The following ABCC8 variants were observed in gnomAD, a reference collection of about 807,000 sequenced individuals.
The protein encoded by ABCC8 is ATP binding cassette subfamily C member 8, also known as ATP-binding cassette sub-family C member 8.
A neutral mutation model predicts 188.0 loss-of-function variants in ABCC8; 137 were observed. The ratio of observed to expected loss-of-function variants is 0.73; its 90% CI spans 0.63 to 0.84. The LOEUF (loss-of-function observed/expected upper bound fraction) is 0.84. Among genes scored for constraint, ABCC8 ranks in the 40% least tolerant of loss-of-function variants. The probability of loss-of-function intolerance (pLI) is 0.00; values close to 1 mark genes in which losing one functional copy is unlikely to be tolerated. For missense variants in ABCC8, 1,750 were observed against 2,072.7 expected, an observed-to-expected ratio of 0.84 and a Z score of 3.02; for synonymous variants, 797 against 846.5, an observed-to-expected ratio of 0.94 and a Z score of 1.01.
rs1352613960 is a variant in ABCC8 at position 17,397,264 on chromosome 11, A to G, written c.3917T>C (p.Leu1306Pro). The G allele has an allele frequency of 4.3e-6, 7 of 1,613,402 alleles. No homozygotes were observed. The highest frequency in any genetic ancestry group is 5.9e-6 in the Non-Finnish European group (7 of 1,180,020). The change falls in exon 32 of 39, where the codon CTC becomes CCC. Residue 1306 changes from leucine (L) to proline (P), a missense_variant. Coordinates refer to ENST00000389817, the MANE Select transcript of ABCC8 (RefSeq NM_000352.6). Reference sequence around the variant, plus strand: ...GATGCGCTTCACAGCCCCCAGCTGGAGCTCCATGTCTGCCAGGTTCCTCAC... The same window carrying G: ...GATGCGCTTCACAGCCCCCAGCTGGGGCTCCATGTCTGCCAGGTTCCTCAC... ...WMVRNLADME[L>P]QLGAVKRIHG...
At chr11:17,461,973 AG>A (rs2133681372) in intron 4 of ABCC8, 148 bp from the exon 5 acceptor site, 23 of 1,390,408 alleles carry the variant, frequency 1.7e-5, no homozygotes, top group Non-Finnish European at 2.0e-5. Context: ...TACCAGGAAA[AG>A]GATTCCCCAA....
chr11:17,407,773 G>A (rs185100947), intron 23 of ABCC8, among the ~76,000 whole-genome samples: 20 of 152,316 alleles, frequency 1.3e-4, no homozygotes, highest in Admixed American at 1.3e-3. Flanking sequence ...TGGCCACAGT[G>A]ATTTGTTCAG....
rs1554924681 is a variant in ABCC8 at position 17,427,987 on chromosome 11, GC to G, written c.2041-46del. On this transcript the variant is annotated intron_variant, in intron 14 of 38. Coordinates refer to ENST00000389817, the MANE Select transcript of ABCC8 (RefSeq NM_000352.6). This position sits in a 1 kb window ranked among gnomAD's most constrained non-coding sequence, Gnocchi z 5.0. ...CCGCCCAGGAGAGAACAGAAAGGCA[GC>G]CAGTTCCCAGTGAATAGTCTCTGGC... 2 of 1,603,980 alleles carry G rather than the reference GC, an allele frequency of 1.2e-6. No individual in the cohort carries two copies. Among genetic ancestry groups the G allele is most frequent in the Non-Finnish European group, 1.7e-6 (2 of 1,175,126 alleles).
At chr11:17,451,759 A>G (rs925388041) in intron 7 of ABCC8, among the ~76,000 whole-genome samples, 1 of 152,260 alleles carries the variant, frequency 6.6e-6, no homozygotes, top group African/African-American at 2.4e-5. Flanking sequence ...CTAGCAGTGC[A>G]TATATAGCTG....
intron 33 of ABCC8, 110 bp from the exon 34 acceptor site, chr11:17,396,040 T>C (rs1953910458): frequency 1.3e-6 from 2 of 1,529,950 alleles, no homozygotes; most frequent in African/African-American, 1.4e-5. Flanking sequence ...GGGTATCTTT[T>C]TGGCCTGGTT....
At chr11:17,437,610 G>A (rs535278316) in intron 10 of ABCC8, among the ~76,000 whole-genome samples, 6 of 152,364 alleles carry the variant, frequency 3.9e-5, no homozygotes, top group African/African-American at 1.2e-4. Context: ...GAGGGGGAAG[G>A]AAATCAGGTT....
At chr11:17,412,622 G>C in intron 21 of ABCC8, 44 bp downstream of exon 21, 1 of 1,589,306 alleles carries the variant, frequency 6.3e-7, no homozygotes, top group South Asian at 1.1e-5. Flanking sequence ...AGTTAGGCCT[G>C]GGAGGCAGCC....
Position 17,427,859 on chromosome 11 carries a change from G to A in ABCC8, c.2116+8C>T, listed in dbSNP as rs751351440. ...AGGGGCATGCTGGAGGGGTGGACTG[G>A]GCCATACCTCGGGGGATACGAATGG... On this transcript the variant is annotated splice_region_variant and intron_variant, in intron 15 of 38. Coordinates refer to ENST00000389817, the MANE Select transcript of ABCC8 (RefSeq NM_000352.6). This position sits in a 1 kb window ranked among gnomAD's most constrained non-coding sequence, Gnocchi z 5.0. 1.2e-6 allele frequency: 2 copies of A among 1,613,944 alleles called. No homozygotes were observed. Among genetic ancestry groups the A allele is most frequent in the Non-Finnish European group, 1.7e-6 (2 of 1,179,940 alleles).
At chr11:17,466,853 A>G (rs1336679214) in intron 3 of ABCC8, among the ~76,000 whole-genome samples, 1 of 151,832 alleles carries the variant, frequency 6.6e-6, no homozygotes, top group Non-Finnish European at 1.5e-5. Flanking sequence ...TTTTGTAGAG[A>G]CGGGGTTTTG....
chr11:17,400,844 A>G (rs1457036499), intron 29 of ABCC8, among the ~76,000 whole-genome samples: 3 of 152,258 alleles, frequency 2.0e-5, no homozygotes, highest in African/African-American at 4.8e-5. Context: ...AATAATGCAC[A>G]TACAACACTT....
At position 17,415,322 on chromosome 11, in the gene ABCC8, G is replaced by A. The variant is rs764717081; in HGVS notation, c.2273C>T (p.Ala758Val). Residue 758 changes from alanine to valine, a missense_variant, in exon 18 of 39, where the codon GCG (alanine) becomes GTG (valine). Ala to Val is a moderately conservative substitution (Grantham distance 64). Coordinates refer to ENST00000389817, the MANE Select transcript of ABCC8 (RefSeq NM_000352.6). Reference sequence around the variant, plus strand: ...GCAGTACCTGATATCCAAGTCGGTCGCTGTCTCCCGCTCTGGGCTGCAGCA... The same window carrying A: ...GCAGTACCTGATATCCAAGTCGGTCACTGTCTCCCGCTCTGGGCTGCAGCA... ...GEDPSPERET[A>V]TDLDIRKRGP... 6.2e-6 allele frequency: 10 copies of A among 1,610,376 alleles called. No individual in the cohort carries two copies. Among genetic ancestry groups the A allele is most frequent in the South Asian group, 2.2e-5 (2 of 89,544 alleles).
chr11:17,398,626 T>G, intron 29 of ABCC8, 185 bp from the exon 30 acceptor site: 1 of 661,408 alleles, frequency 1.5e-6, no homozygotes. Flanking sequence ...TTCAAACCTG[T>G]CCAGAATCCC....
chr11:17,443,112 G>C, intron 9 of ABCC8, 66 bp downstream of exon 9: 1 of 1,580,762 alleles, frequency 6.3e-7, no homozygotes, highest in South Asian at 1.1e-5. Context: ...TGTGTGGGAG[G>C]AGACCTGCTG....
intron 9 of ABCC8, 37 bp from the exon 10 acceptor site, chr11:17,442,919 G>C: frequency 6.2e-7 from 1 of 1,604,858 alleles, no homozygotes; most frequent in Non-Finnish European, 8.5e-7. Context: ...AGAGGCTTCT[G>C]CTCCGTCTCC....
chr11:17,453,920 T>C (rs1956903303), intron 6 of ABCC8, among the ~76,000 whole-genome samples: 1 of 152,122 alleles, frequency 6.6e-6, no homozygotes, highest in Non-Finnish European at 1.5e-5. Context: ...TGGCAACCAG[T>C]GAAGAAAAAC....
rs1202561203 is a variant in ABCC8, at chr11:17,396,316, A to G, written c.4120-386T>C. ...ATGTGTCTGTGTGCCCCGCCCTACA[A>G]TGGAGCCACCTCTGATCCCGTTGCT... On this transcript the variant is annotated intron_variant, in intron 33 of 38. Transcript: ENST00000389817. The G allele has an allele frequency of 1.9e-5, 7 of 375,738 alleles. No individual in the cohort carries two copies. The East Asian group carries it at 2.5e-4, about 13-fold the overall frequency. The allele number at this position is 375,738 out of a possible 1,614,324, so 23.3% of individuals were successfully genotyped here.
At chr11:17,416,996 G>A in intron 16 of ABCC8, 34 bp from the exon 17 acceptor site, 1 of 1,613,934 alleles carries the variant, frequency 6.2e-7, no homozygotes, top group Non-Finnish European at 8.5e-7. Flanking sequence ...ACCAACACCA[G>A]TTAGTTCCCA....
chr11:17,436,010 T>C, intron 10 of ABCC8: 2 of 1,473,568 alleles, frequency 1.4e-6, no homozygotes, highest in Non-Finnish European at 1.9e-6. Context: ...CAACTGTAGA[T>C]AGTGATGTGG....
chr11:17,441,494 GT>G (rs1187634021), intron 10 of ABCC8, among the ~76,000 whole-genome samples: 1 of 152,206 alleles, frequency 6.6e-6, no homozygotes, highest in African/African-American at 2.4e-5. Context: ...CACTGAGTAA[GT>G]TTTGGTTTCT....
Sources: allele counts gnomAD v4.1 joint callset (sites outside exome capture counted in the v4.1 genomes callset), GRCh38; gene constraint gnomAD v4.1.1; non-coding constraint Gnocchi (gnomAD v3.1); transcripts MANE v1.5; gene names NCBI Gene and HGNC (gene_info 2026-07-23, HGNC 2026-07-21).